The following LIMA1 variants were observed in gnomAD, a reference collection of about 807,000 sequenced individuals.
LIMA1 encodes the protein LIM domain and actin binding 1.
LIMA1 carries 52 observed loss-of-function variants against 62.6 expected under a neutral mutation model. The ratio of observed to expected loss-of-function variants is 0.83; its 90% CI spans 0.67 to 1.05. The LOEUF (loss-of-function observed/expected upper bound fraction) is 1.05, where lower values mean the gene tolerates loss of function less well. Among genes scored for constraint, LIMA1 ranks in the 50% least tolerant of loss-of-function variants. The probability of loss-of-function intolerance (pLI) is 0.00; values close to 1 mark genes in which losing one functional copy is unlikely to be tolerated. For synonymous variants in LIMA1, 302 were observed against 317.8 expected (o/e 0.95, Z 0.53); for missense variants, 780 against 902.2 (o/e 0.86, Z 1.74).
chr12:50,193,666 A>ATAT (rs1555204645), intron 8 of LIMA1, among the ~76,000 whole-genome samples: 38 of 60,004 alleles, frequency 6.3e-4, no homozygotes, highest in African/African-American at 2.7e-3. Context: ...ATATATATAT[A>ATAT]TTTTTTTTTT....
Position 50,222,219 on chromosome 12 carries a change from G to A in LIMA1, c.432C>T (p.His144=), listed in dbSNP as rs565581169. 6 of 1,614,180 alleles carry A rather than the reference G, an allele frequency of 3.7e-6. No homozygotes were observed. In the African/African-American group the frequency reaches 6.7e-5, roughly 18 times the overall value. The change falls in exon 4 of 11, where the codon CAC becomes CAT. Residue 144 remains histidine (H), a synonymous_variant. Coordinates refer to ENST00000341247, the MANE Select transcript of LIMA1 (RefSeq NM_016357.5). Reference sequence around the variant, plus strand: ...CTTTAAGATCCTCACCGTCCTTGATGTGGGGATATCGACCCTGAACGAGGG... The same window carrying A: ...CTTTAAGATCCTCACCGTCCTTGATATGGGGATATCGACCCTGAACGAGGG... ...PEALVQGRYP[H]IKDGEDLKDH... is the part of the protein sequence containing the mutation.
chr12:50,268,886 A>G (rs962119787), intron 1 of LIMA1, among the ~76,000 whole-genome samples: 3 of 152,330 alleles, frequency 2.0e-5, no homozygotes, highest in East Asian at 1.9e-4. Context: ...TTCTAATGAC[A>G]TATTACAAAC....
At chr12:50,232,995 C>CA (rs1271596886) in intron 2 of LIMA1, among the ~76,000 whole-genome samples, 3 of 152,010 alleles carry the variant, frequency 2.0e-5, no homozygotes, top group Non-Finnish European at 2.9e-5. Flanking sequence ...CAAACAAACC[C>CA]AAAAAAACAG....
At position 50,283,484 on chromosome 12, in the gene LIMA1, T is replaced by C. The variant is rs751246941; in HGVS notation, c.-88A>G. The C allele has an allele frequency of 5.3e-5, 8 of 152,262 alleles. No individual in the cohort carries two copies. Among genetic ancestry groups the C allele is most frequent in the African/African-American group, 1.2e-4 (5 of 41,462 alleles). The allele number at this position is 152,262 out of a possible 1,614,324, so 9.4% of individuals were successfully genotyped here. ...CTGTCACAGGTCCCGGCGCTCTACC[T>C]AGCGCACCTGTCGCGACCAAGCTGC... On this transcript the variant is annotated 5_prime_UTR_variant, in exon 1 of 11. Transcript: ENST00000341247.
chr12:50,204,515 GGAATGAATGAAT>G (rs762474052), intron 6 of LIMA1, 25 bp downstream of exon 6: 22 of 1,590,650 alleles, frequency 1.4e-5, no homozygotes, highest in Non-Finnish European at 1.7e-5. Flanking sequence ...GCTGGATGAT[GGAATGAATGAAT>G]GAATGAATGA....
chr12:50,234,356 GC>G, intron 2 of LIMA1: 1 of 292,030 alleles, frequency 3.4e-6, no homozygotes, highest in Non-Finnish European at 6.8e-6. Context: ...TTACAGGCAT[GC>G]CCCACCACAC....
chr12:50,206,947 CAG>C (rs907584110), intron 4 of LIMA1, among the ~76,000 whole-genome samples: 20 of 151,098 alleles, frequency 1.3e-4, no homozygotes, highest in African/African-American at 4.9e-4. Flanking sequence ...TTTTTTGAGA[CAG>C]AGTCTCACTC....
At chr12:50,181,191 T>C (rs1940495042) in intron 10 of LIMA1, among the ~76,000 whole-genome samples, 1 of 149,394 alleles carries the variant, frequency 6.7e-6, no homozygotes, top group Non-Finnish European at 1.5e-5. Context: ...TGAGTGGAAG[T>C]GACTGAGGTA....
At chr12:50,257,919 T>C (rs952433304) in intron 1 of LIMA1, among the ~76,000 whole-genome samples, 1 of 152,184 alleles carries the variant, frequency 6.6e-6, no homozygotes, top group African/African-American at 2.4e-5. Context: ...ATTAGGATGG[T>C]TTCATAGATA....
In LIMA1 at chr12:50,181,953, C is replaced by A; in HGVS notation, c.1225G>T (p.Val409Leu). 6.2e-7 allele frequency: 1 copy of A among 1,613,918 alleles called. No homozygotes were observed. The highest frequency in any genetic ancestry group is 1.1e-5 in the South Asian group (1 of 91,056). Reference protein sequence around the residue: ...PMERLLANQQVFHISCFRCSY... With the variant: ...PMERLLANQQLFHISCFRCSY... Reference sequence around the variant, plus strand: ...CAACGGAAGCAGCTGATGTGAAACACCTGCTGGTTGGCCAAGAGACGCTCC... The same window carrying A: ...CAACGGAAGCAGCTGATGTGAAACAACTGCTGGTTGGCCAAGAGACGCTCC... Residue 409 changes from valine (V) to leucine (L), a missense_variant, in exon 10 of 11, where the codon GTG becomes TTG. Physicochemically the swap from Val to Leu is conservative, Grantham distance 32 (BLOSUM62 1). Transcript: ENST00000341247.
rs202012156 is a variant in LIMA1, at chr12:50,218,731, C to T, written c.630+3290G>A. Among the ~76,000 whole-genome samples, 15 of 152,000 alleles carry T rather than the reference C, an allele frequency of 9.9e-5. No homozygotes were observed. In the East Asian group the frequency reaches 1.4e-3, roughly 14 times the overall value. On this transcript the variant is annotated intron_variant, in intron 4 of 10. Transcript: ENST00000341247. ...GAACAGTCTGGGCAACATAGCGAAA[C>T]GCTGTCTCCATAAAAAATTTTAAAA... is the stretch of plus-strand genomic sequence containing the variant.
At position 50,261,042 on chromosome 12, in the gene LIMA1, A is replaced by ATTTTTT. The variant is rs71083524; in HGVS notation, c.-23-12274_-23-12269dup. On this transcript the variant is annotated intron_variant, in intron 1 of 10. Transcript: ENST00000341247. ...CTTTTGCTTTTCTGCCATCTAGTAT[A>ATTTTTT]TTTTTTTTTTTTTTTTTTTTTTTTT... Among the ~76,000 whole-genome samples, 184 of 54,280 alleles carry ATTTTTT rather than the reference A, an allele frequency of 3.4e-3. 28 individuals are homozygous for ATTTTTT. The highest frequency in any genetic ancestry group is 9.5e-3 in the African/African-American group (133 of 13,946). 35.6% of individuals were successfully genotyped at this position (54,280 alleles called of 152,430 possible). A position where few individuals can be genotyped will look rare whatever the true frequency, so the allele number is the denominator to read the frequency against.
chr12:50,248,808 A>G, intron 1 of LIMA1, 34 bp from the exon 2 acceptor site: 1 of 1,069,830 alleles, frequency 9.3e-7, no homozygotes, highest in East Asian at 2.4e-5. Context: ...CATTAGACAC[A>G]GAAGAGGATT....
At chr12:50,237,636 C>CA (rs1366494699) in intron 2 of LIMA1, among the ~76,000 whole-genome samples, 35 of 138,492 alleles carry the variant, frequency 2.5e-4, no homozygotes, top group East Asian at 6.2e-4. Flanking sequence ...GACTCGGTCT[C>CA]AAAAAAAAAA....
chr12:50,236,090 G>T (rs962233585), intron 2 of LIMA1, among the ~76,000 whole-genome samples: 1 of 151,670 alleles, frequency 6.6e-6, no homozygotes, highest in Non-Finnish European at 1.5e-5. Context: ...GCCTGAACCC[G>T]GGAGGTGGAG....
chr12:50,239,122 A>T (rs895243106), intron 2 of LIMA1, among the ~76,000 whole-genome samples: 3 of 152,204 alleles, frequency 2.0e-5, no homozygotes, highest in African/African-American at 4.8e-5. Flanking sequence ...CAAAACAGAC[A>T]TAATATCTGC....
intron 1 of LIMA1, among the ~76,000 whole-genome samples, chr12:50,276,386 G>A (rs1429553228): frequency 3.3e-5 from 5 of 152,268 alleles, no homozygotes; most frequent in Middle Eastern, 3.4e-3. Flanking sequence ...TGGAAATACA[G>A]ATCTGGAACT....
intron 4 of LIMA1, among the ~76,000 whole-genome samples, chr12:50,216,426 G>T (rs1941346151): frequency 6.6e-6 from 1 of 151,864 alleles, no homozygotes; most frequent in Admixed American, 6.6e-5. Flanking sequence ...TGTTGGTCAG[G>T]CTGGTCTCAA....
chr12:50,279,750 G>T (rs1214304629), intron 1 of LIMA1, among the ~76,000 whole-genome samples: 1 of 152,200 alleles, frequency 6.6e-6, no homozygotes, highest in East Asian at 1.9e-4. Flanking sequence ...TGGATACTAT[G>T]CATGGACAGA....
Sources: allele counts gnomAD v4.1 joint callset (sites outside exome capture counted in the v4.1 genomes callset), GRCh38; gene constraint gnomAD v4.1.1; transcripts MANE v1.5; gene names NCBI Gene and HGNC (gene_info 2026-07-23, HGNC 2026-07-21).